The following PKHD1L1 variants were observed in gnomAD, a reference collection of about 807,000 sequenced individuals.
PKHD1L1 encodes the protein fibrocystin-L.
PKHD1L1 carries 434 observed loss-of-function variants against 462.9 expected under a neutral mutation model. The observed-to-expected ratio is 0.94, with a 90% CI of 0.87 to 1.02. The LOEUF is 1.02. Ranked by LOEUF, PKHD1L1 falls within the 50% of genes least tolerant of loss-of-function variation. The pLI, the probability that PKHD1L1 is intolerant of heterozygous loss-of-function variation, is 0.00. For missense variants in PKHD1L1, 5,202 were observed against 5,096.1 expected, an observed-to-expected ratio of 1.02 and a Z score of -0.63; for synonymous variants, 1,781 against 1,750.0, an observed-to-expected ratio of 1.02 and a Z score of -0.44.
chr8:109,460,931 G>C (rs766596990), intron 47 of PKHD1L1, among the ~76,000 whole-genome samples: 1 of 152,108 alleles, frequency 6.6e-6, no homozygotes, highest in Non-Finnish European at 1.5e-5. Context: ...CATTGCTTTG[G>C]TCTCAAAGTG....
rs373141931 is a variant in PKHD1L1, at chr8:109,401,566, A to G, written c.1351A>G (p.Ile451Val). ...CAGTCCAACACAAAGATCAGATGAT[A>G]TTCATCTGCAGAAAGGAAAAGAGTA... Reference protein sequence around the residue: ...FSSPTQRSDDIHLQKGKEYYI... With the variant: ...FSSPTQRSDDVHLQKGKEYYI... Residue 451 changes from isoleucine (I) to valine (V), a missense_variant, in exon 14 of 78, where the codon ATT becomes GTT. Physicochemically the swap from Ile to Val is conservative, Grantham distance 29. Transcript: ENST00000378402. 5.7e-6 allele frequency: 9 copies of G among 1,579,798 alleles called. No individual in the cohort carries two copies. Among genetic ancestry groups the G allele is most frequent in the East Asian group, 2.3e-5 (1 of 44,428 alleles).
intron 76 of PKHD1L1, among the ~76,000 whole-genome samples, chr8:109,524,841 G>A (rs1256696317): frequency 8.4e-6 from 1 of 118,504 alleles, no homozygotes; most frequent in Non-Finnish European, 1.7e-5. Flanking sequence ...CCCTCCTTCT[G>A]TCCTTCCTTC....
chr8:109,384,227 A>G (rs1812315096), intron 5 of PKHD1L1, 100 bp downstream of exon 5: 3 of 968,640 alleles, frequency 3.1e-6, no homozygotes, highest in Non-Finnish European at 4.7e-6. Flanking sequence ...ATTTTTAAAT[A>G]GCATTTTTTT....
chr8:109,520,716 T>C (rs1194873460), intron 73 of PKHD1L1, among the ~76,000 whole-genome samples: 1 of 152,118 alleles, frequency 6.6e-6, no homozygotes, highest in Non-Finnish European at 1.5e-5. Context: ...TATCAGGATA[T>C]CCAGAAATTC....
chr8:109,527,679 C>T (rs924135373), intron 77 of PKHD1L1, among the ~76,000 whole-genome samples: 1 of 152,154 alleles, frequency 6.6e-6, no homozygotes, highest in Non-Finnish European at 1.5e-5. Context: ...ACAGTTGGAT[C>T]TAAGGACTCA....
In PKHD1L1 at chr8:109,445,362, C is replaced by T. The variant is rs963944215; in HGVS notation, c.5493C>T (p.Pro1831=). ...LALGNLTVSS[P]PVASLSPTSG... ...TGGGAAACCTGACTGTCAGCAGCCC[C>T]CCAGTAGCATCTCTATCACCAACTT... The change falls in exon 38 of 78, where the codon CCC becomes CCT. Residue 1831 remains proline, a synonymous_variant. Coordinates refer to ENST00000378402, the MANE Select transcript of PKHD1L1 (RefSeq NM_177531.6). 1 of 1,613,914 alleles carries T rather than the reference C, an allele frequency of 6.2e-7. No individual in the cohort carries two copies. Among genetic ancestry groups the T allele is most frequent in the East Asian group, 2.2e-5 (1 of 44,876 alleles).
chr8:109,430,886 T>C (rs764819051), intron 27 of PKHD1L1, among the ~76,000 whole-genome samples: 4 of 152,166 alleles, frequency 2.6e-5, no homozygotes, highest in Non-Finnish European at 5.9e-5. Context: ...CTCACAAGAA[T>C]AAGGATTTGA....
Position 109,452,392 on chromosome 8 carries a change from C to T in PKHD1L1, c.6507+112C>T, listed in dbSNP as rs1178322974. 33 of 1,010,512 alleles carry T rather than the reference C, an allele frequency of 3.3e-5. No individual in the cohort carries two copies. The East Asian group carries it at 9.1e-4, about 28-fold the overall frequency. The allele number at this position is 1,010,512 out of a possible 1,614,324, so 62.6% of individuals were successfully genotyped here. On this transcript the variant is annotated intron_variant, in intron 42 of 77. Coordinates refer to ENST00000378402, the MANE Select transcript of PKHD1L1 (RefSeq NM_177531.6). ...TAATGTCTCCAAAAAAATAACTGAG[C>T]TGTGACCATAATAAATCTAAAGTAG...
intron 46 of PKHD1L1, 55 bp from the exon 47 acceptor site, chr8:109,459,540 A>G: frequency 7.4e-7 from 1 of 1,350,522 alleles, no homozygotes; most frequent in Non-Finnish European, 9.9e-7. Context: ...TACCAAAACA[A>G]TATGTTATGT....
In PKHD1L1 at chr8:109,452,236, G is replaced by A; in HGVS notation, c.6463G>A (p.Ala2155Thr). 6.2e-7 allele frequency: 1 copy of A among 1,611,206 alleles called. No individual in the cohort carries two copies. Among genetic ancestry groups the A allele is most frequent in the South Asian group, 1.1e-5 (1 of 90,466 alleles). ...AGATGCCCATACTCTATCAGGGTGG[G>A]CTCCAGTTTGTGTCCACATCAGAGG... ...MTDAHTLSGW[A>T]PVCVHIRGVG... The change falls in exon 42 of 78, where the codon GCT becomes ACT. Residue 2155 changes from alanine (A) to threonine (T), a missense_variant. This residue lies in a region of PKHD1L1 where 4,497 missense variants were observed against 4,336.8 expected (regional missense o/e 1.04). Coordinates refer to ENST00000378402, the MANE Select transcript of PKHD1L1 (RefSeq NM_177531.6).
At chr8:109,429,276 T>A in intron 25 of PKHD1L1, 64 bp from the exon 26 acceptor site, 1 of 1,332,672 alleles carries the variant, frequency 7.5e-7, no homozygotes, top group East Asian at 2.7e-5. Context: ...AAATTTAAAA[T>A]GAAAAACTAG....
intron 36 of PKHD1L1, 116 bp from the exon 37 acceptor site, chr8:109,443,560 A>G (rs773080077): frequency 1.1e-6 from 1 of 874,522 alleles, no homozygotes; most frequent in Non-Finnish European, 1.7e-6. Context: ...TGTTTTTCAA[A>G]AAAGATTTAC....
chr8:109,422,703 A>G (rs895160850), intron 23 of PKHD1L1, among the ~76,000 whole-genome samples: 10 of 152,286 alleles, frequency 6.6e-5, no homozygotes, highest in Middle Eastern at 3.4e-3. Context: ...TTTGTGAGAC[A>G]TAAGTTTCCA....
chr8:109,474,840 C>T (rs1817896356), intron 50 of PKHD1L1, among the ~76,000 whole-genome samples: 1 of 152,060 alleles, frequency 6.6e-6, no homozygotes, highest in African/African-American at 2.4e-5. Flanking sequence ...ATAAAGGCTC[C>T]ATCTCAATTC....
intron 71 of PKHD1L1, among the ~76,000 whole-genome samples, chr8:109,514,226 G>T (rs1353406001): frequency 6.6e-6 from 1 of 152,056 alleles, no homozygotes; most frequent in Non-Finnish European, 1.5e-5. Context: ...GCTCTCCTCA[G>T]ATTCCACTTT....
intron 39 of PKHD1L1, among the ~76,000 whole-genome samples, chr8:109,448,976 T>G (rs915192032): frequency 1.3e-5 from 2 of 152,140 alleles, no homozygotes; most frequent in Non-Finnish European, 2.9e-5. Flanking sequence ...TTTAAAAAAT[T>G]TTTTAGTTAA....
intron 67 of PKHD1L1, among the ~76,000 whole-genome samples, chr8:109,503,650 T>C (rs1819548037): frequency 6.6e-6 from 1 of 152,216 alleles, no homozygotes; most frequent in Non-Finnish European, 1.5e-5. Flanking sequence ...TTTAGCCACA[T>C]AATATATACA....
rs1246462369 is a variant in PKHD1L1, at chr8:109,408,182, C to CA, written c.1948dup (p.Thr650AsnfsTer8). 1.9e-6 allele frequency: 3 copies of CA among 1,612,498 alleles called. No homozygotes were observed. In the East Asian group the frequency reaches 6.7e-5, roughly 36 times the overall value. On this transcript the variant is annotated frameshift_variant, in exon 18 of 78. Transcript: ENST00000378402. LOFTEE classifies it high-confidence loss of function. ...GGGATGGGATCGCTTCTAAGCCACT[C>CA]ACTCTATGGTCATCAGAAGCTGAAG...
At chr8:109,510,455 G>C (rs1285022704) in intron 70 of PKHD1L1, among the ~76,000 whole-genome samples, 1 of 152,120 alleles carries the variant, frequency 6.6e-6, no homozygotes. Context: ...TATCATTAAA[G>C]AAGAGATATA....
Sources: gnomAD v4.1 joint callset for allele counts (sites outside exome capture counted in the v4.1 genomes callset) on GRCh38, gnomAD v4.1.1 for gene constraint, gnomAD v4.1.1 regional missense constraint, MANE v1.5 for transcripts, NCBI Gene and HGNC (gene_info 2026-07-23, HGNC 2026-07-21) for gene names.